The following LTBP1 variants were observed in gnomAD, a reference collection of about 807,000 sequenced individuals.
LTBP1 encodes latent transforming growth factor beta binding protein 1.
Under a neutral mutation model 207.6 loss-of-function variants are expected in LTBP1, and 129 were observed. That is an observed-to-expected ratio of 0.62 (90% CI 0.54 to 0.72). The LOEUF is 0.72. LTBP1 is among the 30% of genes least tolerant of loss of function. LTBP1 has a pLI of 0.00. For synonymous variants in LTBP1, 963 were observed against 833.7 expected, an observed-to-expected ratio of 1.16 and a Z score of -2.67; for missense variants, 2,281 against 2,217.2, an observed-to-expected ratio of 1.03 and a Z score of -0.58.
At chr2:33,043,099 G>T (rs552074761) in intron 3 of LTBP1, among the ~76,000 whole-genome samples, 1 of 152,188 alleles carries the variant, frequency 6.6e-6, no homozygotes, top group Non-Finnish European at 1.5e-5. Context: ...GCTGTGAACC[G>T]CTGTTCTAGA....
chr2:33,301,440 T>C, intron 21 of LTBP1, 82 bp from the exon 22 acceptor site: 3 of 1,422,900 alleles, frequency 2.1e-6, no homozygotes, highest in Non-Finnish European at 2.8e-6. Flanking sequence ...CTTTCTAGAA[T>C]TTACACTGAT....
At chr2:33,364,690 A>G (rs1005807238) in intron 30 of LTBP1, among the ~76,000 whole-genome samples, 3 of 152,204 alleles carry the variant, frequency 2.0e-5, no homozygotes, top group Admixed American at 2.0e-4. Flanking sequence ...AGGTGCACTC[A>G]GCAGAGTGGA....
intron 7 of LTBP1, among the ~76,000 whole-genome samples, chr2:33,205,731 A>G (rs1213489312): frequency 6.6e-6 from 1 of 152,152 alleles, no homozygotes; most frequent in Non-Finnish European, 1.5e-5. Flanking sequence ...CCCCAAATTC[A>G]TATGTTGAAG....
At chr2:32,951,576 A>G (rs1411824639) in intron 2 of LTBP1, among the ~76,000 whole-genome samples, 3 of 152,180 alleles carry the variant, frequency 2.0e-5, no homozygotes, top group Admixed American at 2.0e-4. Flanking sequence ...GAAGACCTAA[A>G]TTCAAATGCT....
At chr2:33,027,486 T>C (rs191787927) in intron 3 of LTBP1, among the ~76,000 whole-genome samples, 1 of 152,318 alleles carries the variant, frequency 6.6e-6, no homozygotes, top group Admixed American at 6.5e-5. Flanking sequence ...TAACATTTTA[T>C]ACCCTTTGAC....
chr2:33,211,000 C>T (rs1407491449), intron 7 of LTBP1, among the ~76,000 whole-genome samples: 1 of 152,144 alleles, frequency 6.6e-6, no homozygotes, highest in Non-Finnish European at 1.5e-5. Flanking sequence ...TTTGGGTTCT[C>T]TCCTTTGGCT....
At chr2:33,003,626 G>A (rs2148999664) in intron 2 of LTBP1, among the ~76,000 whole-genome samples, 1 of 152,296 alleles carries the variant, frequency 6.6e-6, no homozygotes, top group South Asian at 2.1e-4. Flanking sequence ...GAAGTCACAG[G>A]CAGGGTGGTA....
At chr2:33,110,139 G>A (rs115563463) in intron 3 of LTBP1, among the ~76,000 whole-genome samples, 42 of 152,226 alleles carry the variant, frequency 2.8e-4, no homozygotes, top group African/African-American at 9.2e-4. Context: ...CATCCAGGCC[G>A]GAGTACAGTG....
At chr2:33,365,526 C>A in intron 31 of LTBP1, 23 bp downstream of exon 31, 1 of 1,604,382 alleles carries the variant, frequency 6.2e-7, no homozygotes, top group Non-Finnish European at 8.5e-7. Flanking sequence ...CCAATTCCTT[C>A]TGCAGGAGGC....
At chr2:33,103,690 G>T (rs1366322878) in intron 3 of LTBP1, among the ~76,000 whole-genome samples, 1 of 151,438 alleles carries the variant, frequency 6.6e-6, no homozygotes, top group Non-Finnish European at 1.5e-5. Context: ...TTCCCTATGT[G>T]CATATTGCCC....
chr2:33,168,220 A>T (rs1572946736), intron 5 of LTBP1, among the ~76,000 whole-genome samples: 1 of 152,108 alleles, frequency 6.6e-6, no homozygotes, highest in East Asian at 1.9e-4. Context: ...CTCTACAAAA[A>T]TAAAAAAAGA....
At chr2:33,323,209 C>CA (rs924000972) in intron 24 of LTBP1, among the ~76,000 whole-genome samples, 26 of 151,666 alleles carry the variant, frequency 1.7e-4, no homozygotes, top group East Asian at 1.4e-3. Flanking sequence ...CCATCTAGTA[C>CA]AAAAAAAACC....
chr2:33,174,486 A>G (rs929633832), intron 5 of LTBP1, among the ~76,000 whole-genome samples: 9 of 152,038 alleles, frequency 5.9e-5, no homozygotes, highest in African/African-American at 2.2e-4. Context: ...ACTACAAACC[A>G]CTGCTCAATG....
rs867024731 is a variant in LTBP1 at position 33,143,787 on chromosome 2, G to T, written c.1201+8827G>T. On this transcript the variant is annotated intron_variant, in intron 5 of 33. Transcript: ENST00000404816. ...AGTTCTGCCTGTGCTGTTTTTTGTT[G>T]TTTTTTTTTTTTTTCTTTCCTATTA... Among the ~76,000 whole-genome samples the T allele has an allele frequency of 8.2e-3, 1,156 of 141,772 alleles. 15 individuals are homozygous for T. The highest frequency in any genetic ancestry group is 0.027 in the African/African-American group (1,059 of 38,860). The allele number at this position is 141,772 out of a possible 152,430, so 93.0% of individuals were successfully genotyped here.
At chr2:33,382,979 T>G (rs1047234844) in intron 31 of LTBP1, among the ~76,000 whole-genome samples, 2 of 152,202 alleles carry the variant, frequency 1.3e-5, no homozygotes, top group African/African-American at 2.4e-5. Context: ...TCTTCCACCT[T>G]TCTTTACTGG....
intron 24 of LTBP1, among the ~76,000 whole-genome samples, chr2:33,333,703 C>T (rs1167817225): frequency 6.6e-6 from 1 of 151,860 alleles, no homozygotes; most frequent in Non-Finnish European, 1.5e-5. Flanking sequence ...ATTAGAGTTG[C>T]CTGTGAAATA....
At chr2:33,375,873 T>A (rs2095134091) in intron 31 of LTBP1, among the ~76,000 whole-genome samples, 1 of 152,042 alleles carries the variant, frequency 6.6e-6, no homozygotes, top group African/African-American at 2.4e-5. Context: ...TTCAATGTAC[T>A]CAATTTTTAA....
intron 3 of LTBP1, among the ~76,000 whole-genome samples, chr2:33,032,227 TC>T (rs2075723229): frequency 6.6e-6 from 1 of 152,200 alleles, no homozygotes; most frequent in South Asian, 2.1e-4. Flanking sequence ...TTACACTCTA[TC>T]CCTAGACTCA....
Position 33,188,542 on chromosome 2 carries a change from C to G in LTBP1, c.1427-35C>G, listed in dbSNP as rs139324697. 1,689 of 1,545,410 alleles carry G rather than the reference C, an allele frequency of 1.1e-3. 7 individuals carry two copies. Among genetic ancestry groups the G allele is most frequent in the Middle Eastern group, 4.8e-3 (28 of 5,818 alleles). The stretch of plus-strand genomic sequence containing the variant: ...ACTTTTGATTTGCCTGTTAGTTATT[C>G]AGGACTAACAAGTTTTCCTCCCAAT... On this transcript the variant is annotated intron_variant, in intron 6 of 33. Transcript: ENST00000404816.
Sources: allele counts gnomAD v4.1 joint callset (sites outside exome capture counted in the v4.1 genomes callset), GRCh38; gene constraint gnomAD v4.1.1; transcripts MANE v1.5; gene names NCBI Gene and HGNC (gene_info 2026-07-23, HGNC 2026-07-21).